MCC: variants seen among roughly 807,000 people sequenced by gnomAD.
MCC encodes the protein MCC regulator of Wnt signaling pathway, also known as colorectal mutant cancer protein.
In MCC, 90 loss-of-function variants were observed where a neutral mutation model predicts 116.2. That is an observed-to-expected ratio of 0.77 (90% CI 0.65 to 0.92). MCC has a LOEUF of 0.92. MCC is among the 40% of genes least tolerant of loss of function. The probability of loss-of-function intolerance (pLI) is 0.00; values close to 1 mark genes in which losing one functional copy is unlikely to be tolerated. For synonymous variants in MCC, 578 were observed against 510.5 expected, an observed-to-expected ratio of 1.13 and a Z score of -1.78; for missense variants, 1,516 against 1,312.2, an observed-to-expected ratio of 1.16 and a Z score of -2.40.
intron 3 of MCC, among the ~76,000 whole-genome samples, chr5:113,296,023 T>A (rs966135490): frequency 3.9e-5 from 6 of 152,206 alleles, no homozygotes; most frequent in African/African-American, 1.4e-4. Context: ...TATTTGCATA[T>A]AACGTTTTAC....
intron 3 of MCC, among the ~76,000 whole-genome samples, chr5:113,295,338 A>C (rs1199155836): frequency 6.6e-6 from 1 of 152,134 alleles, no homozygotes; most frequent in Non-Finnish European, 1.5e-5. Flanking sequence ...CATTTTCCCT[A>C]ATCAGTCTAA....
chr5:113,247,524 C>G (rs4705808), intron 3 of MCC, among the ~76,000 whole-genome samples: 5 of 152,002 alleles, frequency 3.3e-5, no homozygotes, highest in African/African-American at 1.2e-4. Context: ...AATTTCTTCA[C>G]ATGGAAGTTT....
chr5:113,078,941 G>T (rs1457949314), intron 11 of MCC, among the ~76,000 whole-genome samples: 6 of 152,204 alleles, frequency 3.9e-5, no homozygotes, highest in African/African-American at 1.2e-4. Context: ...TCCTTAAGCT[G>T]ATAAGCAACT....
chr5:113,219,000 T>TA (rs1763438223), intron 3 of MCC, among the ~76,000 whole-genome samples: 1 of 152,174 alleles, frequency 6.6e-6, no homozygotes, highest in Non-Finnish European at 1.5e-5. Context: ...GTGAAGAGTC[T>TA]AAAAAAAGAA....
intron 1 of MCC, among the ~76,000 whole-genome samples, chr5:113,408,173 A>C (rs879719453): frequency 2.1e-4 from 32 of 152,158 alleles, no homozygotes; most frequent in Non-Finnish European, 3.4e-4. Context: ...CACTTTAATT[A>C]GTTGGTTTCT....
intron 3 of MCC, among the ~76,000 whole-genome samples, chr5:113,308,641 A>G (rs187468604): frequency 6.6e-6 from 1 of 152,234 alleles, no homozygotes; most frequent in African/African-American, 2.4e-5. Flanking sequence ...TGGGCAACAT[A>G]GGGAGACCTT....
intron 1 of MCC, among the ~76,000 whole-genome samples, chr5:113,473,459 G>C (rs1157747847): frequency 6.6e-6 from 1 of 152,162 alleles, no homozygotes; most frequent in African/African-American, 2.4e-5. Flanking sequence ...AGGAGTGTGA[G>C]GCTGCTGTGG....
chr5:113,034,636 T>C lies in MCC; in HGVS notation c.2757-5580A>G, dbSNP rs548610136. On this transcript the variant is annotated intron_variant, in intron 17 of 18. Transcript: ENST00000408903. ...CCTAGAATTTCTTAGTAATTGCTGA[T>C]TATATGGAATTAGTCACTAAGAGAA... is the stretch of plus-strand genomic sequence containing the variant. Among the ~76,000 whole-genome samples, 9 of 152,346 alleles carry C rather than the reference T, an allele frequency of 5.9e-5. No individual in the cohort carries two copies. The South Asian group carries it at 1.2e-3, about 21-fold the overall frequency.
chr5:113,443,596 A>G (rs1476827706), intron 1 of MCC, among the ~76,000 whole-genome samples: 2 of 152,102 alleles, frequency 1.3e-5, no homozygotes, highest in Admixed American at 1.3e-4. Context: ...GAATGCTTCC[A>G]GTTTTTGCCC....
In MCC at chr5:113,085,283, T is replaced by C. The variant is rs1168927832; in HGVS notation, c.1426A>G (p.Ser476Gly). The part of the protein sequence containing the change: ...RVRELQTRLQ[S>G]VQATGPSSPG... The stretch of plus-strand genomic sequence containing the variant: ...CTGGAGGGACCTGTGGCCTGCACGC[T>C]CTGTAGTCGAGTTTGAAGCTCTCTG... Residue 476 changes from serine to glycine, a missense_variant, in exon 9 of 19, where the codon AGC becomes GGC. Coordinates refer to ENST00000408903, the MANE Select transcript of MCC (RefSeq NM_001085377.2). 6.2e-7 allele frequency: 1 copy of C among 1,613,740 alleles called. No individual in the cohort carries two copies. The highest frequency in any genetic ancestry group is 1.1e-5 in the South Asian group (1 of 91,022).
At chr5:113,441,784 A>T (rs745922103) in intron 1 of MCC, among the ~76,000 whole-genome samples, 22 of 152,186 alleles carry the variant, frequency 1.4e-4, no homozygotes, top group African/African-American at 5.1e-4. Flanking sequence ...TCATTTGCTG[A>T]GAATGACGGT....
At chr5:113,141,759 T>C (rs1208157057) in intron 5 of MCC, among the ~76,000 whole-genome samples, 1 of 152,250 alleles carries the variant, frequency 6.6e-6, no homozygotes, top group African/African-American at 2.4e-5. Flanking sequence ...TCACTGCATT[T>C]CAAAGTGAAG....
intron 1 of MCC, among the ~76,000 whole-genome samples, chr5:113,399,610 G>T (rs1408639092): frequency 6.6e-6 from 1 of 152,090 alleles, no homozygotes; most frequent in African/African-American, 2.4e-5. Context: ...TTATAAATTT[G>T]TTAGTATTTT....
At position 113,063,984 on chromosome 5, in the gene MCC, C is replaced by T; in HGVS notation, c.2213G>A (p.Ser738Asn). 1 of 1,611,176 alleles carries T rather than the reference C, an allele frequency of 6.2e-7. No individual in the cohort carries two copies. Among genetic ancestry groups the T allele is most frequent in the Non-Finnish European group, 8.5e-7 (1 of 1,179,006 alleles). The change falls in exon 14 of 19, where the codon AGC (serine) becomes AAC (asparagine). Residue 738 changes from serine (S) to asparagine (N), a missense_variant and splice_region_variant. By Grantham distance (46) the Ser-to-Asn change is conservative. Transcript: ENST00000408903. The stretch of plus-strand genomic sequence containing the variant: ...CCCAGAGCAGAAGGCTGAGCATTAC[C>T]TGGTGTGGCTGTTGGAGGAAAGGCT... The part of the protein sequence containing the change: ...WESLSSNSHT[S>N]TTSSTASSCD...
intron 7 of MCC, among the ~76,000 whole-genome samples, chr5:113,103,644 A>T (rs1368991186): frequency 6.6e-6 from 1 of 152,006 alleles, no homozygotes; most frequent in East Asian, 1.9e-4. Context: ...CTAGACTTTT[A>T]AATTTGAATT....
intron 3 of MCC, among the ~76,000 whole-genome samples, chr5:113,193,253 G>T (rs1350684766): frequency 6.6e-6 from 1 of 151,628 alleles, no homozygotes; most frequent in Non-Finnish European, 1.5e-5. Flanking sequence ...GGATAATACA[G>T]GATAACAGCC....
rs931600851 is a variant in MCC at position 113,336,673 on chromosome 5, C to G, written c.627+3846G>C. Among the ~76,000 whole-genome samples the G allele has an allele frequency of 2.0e-5, 3 of 152,360 alleles. No individual in the cohort carries two copies. The East Asian group carries it at 5.8e-4, about 29-fold the overall frequency. ...GTCTTCATAGATTGCATCACCAGCT[C>G]TCACATTTGTGTAAGGTCTAGCCCT... On this transcript the variant is annotated intron_variant, in intron 3 of 18. Coordinates refer to ENST00000408903, the MANE Select transcript of MCC (RefSeq NM_001085377.2).
At chr5:113,424,636 CT>C (rs1042955623) in intron 1 of MCC, among the ~76,000 whole-genome samples, 21 of 152,100 alleles carry the variant, frequency 1.4e-4, no homozygotes, top group South Asian at 2.1e-4. Context: ...TTCCTTGAAC[CT>C]GGGAGGCAAA....
In MCC at chr5:113,185,893, C is replaced by T. The variant is rs558637052; in HGVS notation, c.628-34471G>A. On this transcript the variant is annotated intron_variant, in intron 3 of 18. Coordinates refer to ENST00000408903, the MANE Select transcript of MCC (RefSeq NM_001085377.2). Reference sequence around the variant, plus strand: ...TAAGGAAATGAATGAGGAGGTCACCCCTCCTTCAGTAAGTTGAATTCTGGA... The same window carrying T: ...TAAGGAAATGAATGAGGAGGTCACCTCTCCTTCAGTAAGTTGAATTCTGGA... 3.9e-5 allele frequency among the ~76,000 whole-genome samples: 6 copies of T among 152,130 alleles called. No homozygotes were observed. In the East Asian group the frequency reaches 1.2e-3, roughly 29 times the overall value.
Sources: gnomAD v4.1 joint callset for allele counts (sites outside exome capture counted in the v4.1 genomes callset) on GRCh38, gnomAD v4.1.1 for gene constraint, MANE v1.5 for transcripts, NCBI Gene and HGNC (gene_info 2026-07-23, HGNC 2026-07-21) for gene names.